ARID1B: variants seen among roughly 807,000 people sequenced by gnomAD.
ARID1B encodes AT-rich interaction domain 1B, also known as AT-rich interactive domain-containing protein 1B.
In ARID1B, 30 loss-of-function variants were observed where a neutral mutation model predicts 212.3. That is an observed-to-expected ratio of 0.14 (90% CI 0.11 to 0.19). The LOEUF is 0.19. Ranked by LOEUF, ARID1B falls within the 10% of genes least tolerant of loss-of-function variation. ARID1B has a pLI of 1.00. For synonymous variants in ARID1B, 1,402 were observed against 1,301.7 expected, an observed-to-expected ratio of 1.08 and a Z score of -1.66; for missense variants, 2,891 against 3,204.0, an observed-to-expected ratio of 0.90 and a Z score of 2.36.
intron 4 of ARID1B, among the ~76,000 whole-genome samples, chr6:157,042,454 G>GGA (rs3078928): frequency 0.61 from 92,033 of 151,734 alleles, 29,073 homozygotes; most frequent in African/African-American, 0.79. Context: ...ATGTTCTTTG[G>GGA]GAAGAAAACT....
chr6:156,913,170 A>G (rs1157915257), intron 3 of ARID1B, among the ~76,000 whole-genome samples: 1 of 146,758 alleles, frequency 6.8e-6, no homozygotes, highest in East Asian at 2.0e-4. Context: ...CATAGTTACC[A>G]TTTTCGTGGT....
chr6:157,180,965 C>A lies in ARID1B; in HGVS notation c.3505-4C>A, dbSNP rs754016114. 6.2e-7 allele frequency: 1 copy of A among 1,611,890 alleles called. No homozygotes were observed. Among genetic ancestry groups the A allele is most frequent in the Non-Finnish European group, 8.5e-7 (1 of 1,178,814 alleles). On this transcript the variant is annotated splice_polypyrimidine_tract_variant and splice_region_variant and intron_variant, in intron 11 of 19. Coordinates refer to ENST00000636930, the MANE Select transcript of ARID1B (RefSeq NM_001374828.1). ...CACCTCCACATGCTGCTTCTGGGTACTAGAAGTCCAGCTCCTCCACCACTA... is the reference window on the plus strand; with the variant it reads ...CACCTCCACATGCTGCTTCTGGGTAATAGAAGTCCAGCTCCTCCACCACTA...
At chr6:156,931,942 C>A (rs115628973) in intron 3 of ARID1B, among the ~76,000 whole-genome samples, 2,923 of 129,150 alleles carry the variant, frequency 0.023, 102 homozygotes, top group African/African-American at 0.083. Context: ...GCCTGGGCAA[C>A]GAGAGCAAGA....
At chr6:157,132,933 C>A (rs571330109) in intron 6 of ARID1B, 95 bp from the exon 7 acceptor site, 4 of 1,342,656 alleles carry the variant, frequency 3.0e-6, no homozygotes, top group African/African-American at 1.5e-5. Context: ...CAGCCTTCTC[C>A]CCTGCCACCT....
intron 4 of ARID1B, among the ~76,000 whole-genome samples, chr6:157,040,193 C>T (rs377690182): frequency 3.3e-5 from 5 of 152,330 alleles, no homozygotes; most frequent in African/African-American, 1.2e-4. Context: ...CCGCCTCGGC[C>T]TCCCAAAGTG....
At chr6:156,940,619 G>A (rs1263082803) in intron 4 of ARID1B, 1 of 152,196 alleles carries the variant, frequency 6.6e-6, no homozygotes, top group African/African-American at 2.4e-5. Flanking sequence ...GCAGCGTTCT[G>A]CCTTTAATTC....
intron 1 of ARID1B, among the ~76,000 whole-genome samples, chr6:156,811,974 C>A (rs1441075315): frequency 6.6e-6 from 1 of 152,220 alleles, no homozygotes; most frequent in East Asian, 1.9e-4. Flanking sequence ...TGATTTCCTT[C>A]AACTAAAATA....
At chr6:157,044,696 A>G (rs1782111355) in intron 4 of ARID1B, among the ~76,000 whole-genome samples, 1 of 152,096 alleles carries the variant, frequency 6.6e-6, no homozygotes, top group African/African-American at 2.4e-5. Flanking sequence ...CTCATTGCTC[A>G]TTTTGGTTCT....
intron 2 of ARID1B, among the ~76,000 whole-genome samples, chr6:156,857,209 C>A (rs1202275549): frequency 6.6e-6 from 1 of 152,208 alleles, no homozygotes; most frequent in Non-Finnish European, 1.5e-5. Context: ...GGTTAAGTGA[C>A]ATTCCTAAAG....
chr6:156,974,761 T>TA (rs1206951705), intron 4 of ARID1B, among the ~76,000 whole-genome samples: 1 of 152,246 alleles, frequency 6.6e-6, no homozygotes, highest in Non-Finnish European at 1.5e-5. Flanking sequence ...TGCTTTCACT[T>TA]ATCAGAACTT....
At chr6:157,059,063 TTTTG>T (rs1324145227) in intron 4 of ARID1B, among the ~76,000 whole-genome samples, 1 of 151,464 alleles carries the variant, frequency 6.6e-6, no homozygotes, top group African/African-American at 2.4e-5. Flanking sequence ...GAAATTGTGT[TTTTG>T]TTTTTTTTTT....
At chr6:157,123,239 C>G (rs1303791517) in intron 6 of ARID1B, among the ~76,000 whole-genome samples, 4 of 3,606 alleles carry the variant, frequency 1.1e-3, no homozygotes, top group Non-Finnish European at 2.9e-3. Flanking sequence ...CCGCCCCCCG[C>G]CCCCCCCCCA....
In ARID1B at chr6:157,207,970, C is replaced by T. The variant is rs1164961753; in HGVS notation, c.*79C>T. On this transcript the variant is annotated 3_prime_UTR_variant, in exon 20 of 20. Coordinates refer to ENST00000636930, the MANE Select transcript of ARID1B (RefSeq NM_001374828.1). This position sits in a 1 kb window ranked among gnomAD's most constrained non-coding sequence, Gnocchi z 8.5. ...TGGCTGTTTTCTGTTCTTGTTTATC[C>T]AGCGTAGGAAGAAGGAAAAGAAAAT... 6.5e-6 allele frequency: 9 copies of T among 1,379,226 alleles called. No individual in the cohort carries two copies. The Admixed American group carries it at 7.8e-5, about 12-fold the overall frequency. The allele number at this position is 1,379,226 out of a possible 1,614,324, so 85.4% of individuals were successfully genotyped here.
chr6:157,029,357 C>T (rs1780881444), intron 4 of ARID1B, among the ~76,000 whole-genome samples: 1 of 152,174 alleles, frequency 6.6e-6, no homozygotes, highest in Admixed American at 6.5e-5. Context: ...TGGGTTCATA[C>T]ACATGTATTT....
chr6:156,784,359 G>A (rs772689388), intron 1 of ARID1B, among the ~76,000 whole-genome samples: 1 of 152,200 alleles, frequency 6.6e-6, no homozygotes. Flanking sequence ...TATCATAGAT[G>A]TAGAACTATT....
chr6:157,124,356 C>T (rs9480444), intron 6 of ARID1B, among the ~76,000 whole-genome samples: 2 of 152,148 alleles, frequency 1.3e-5, no homozygotes, highest in Admixed American at 1.3e-4. Flanking sequence ...TACAGTCTGG[C>T]GAGAGAAACA....
rs1372851004 is a variant in ARID1B at position 157,084,856 on chromosome 6, A to G, written c.2442A>G (p.Val814=). The G allele has an allele frequency of 1.2e-6, 2 of 1,614,202 alleles. No individual in the cohort carries two copies. ...GPSPSPVGSP[V]GSNQSRSGPI... The stretch of plus-strand genomic sequence containing the variant: ...CTCCCTCTCCTGTTGGCTCTCCTGT[A>G]GGAAGCAACCAGTCTCGATCTGGCC... Residue 814 remains valine, a synonymous_variant, in exon 5 of 20, where the codon GTA becomes GTG. Transcript: ENST00000636930.
At chr6:157,029,280 T>C (rs986628106) in intron 4 of ARID1B, among the ~76,000 whole-genome samples, 33 of 152,264 alleles carry the variant, frequency 2.2e-4, no homozygotes, top group African/African-American at 7.0e-4. Flanking sequence ...TATATAGTTA[T>C]ATTAGGTAGA....
At chr6:156,842,857 C>T (rs1783991662) in intron 2 of ARID1B, among the ~76,000 whole-genome samples, 1 of 152,180 alleles carries the variant, frequency 6.6e-6, no homozygotes, top group East Asian at 1.9e-4. Context: ...CTCACTTTGC[C>T]AGTGGGGAAA....
Sources: gnomAD v4.1 joint callset for allele counts (sites outside exome capture counted in the v4.1 genomes callset) on GRCh38, gnomAD v4.1.1 for gene constraint, Gnocchi (gnomAD v3.1) non-coding constraint, MANE v1.5 for transcripts, NCBI Gene and HGNC (gene_info 2026-07-23, HGNC 2026-07-21) for gene names.